The following TUBB4A variants were observed in gnomAD, a reference collection of about 807,000 sequenced individuals.
The protein encoded by TUBB4A is tubulin beta-4A chain.
Under a neutral mutation model 35.1 loss-of-function variants are expected in TUBB4A, and 13 were observed. The observed-to-expected ratio is 0.37, with a 90% confidence interval of 0.24 to 0.59. TUBB4A has a LOEUF of 0.59. Among genes scored for constraint, TUBB4A ranks in the 20% least tolerant of loss-of-function variants. The probability of loss-of-function intolerance (pLI) is 0.71; values close to 1 mark genes in which losing one functional copy is unlikely to be tolerated. For missense variants in TUBB4A, 299 were observed against 647.2 expected (o/e 0.46, Z 5.84); for synonymous variants, 279 against 272.4 (o/e 1.02, Z -0.24).
chr19:6,497,898 C>CAAAAA (rs1179837262), intron 3 of TUBB4A, among the ~76,000 whole-genome samples: 14 of 42,214 alleles, frequency 3.3e-4, no homozygotes, highest in Admixed American at 7.0e-4. Flanking sequence ...GACTCCGTCT[C>CAAAAA]AAAAAAAAAA....
chr19:6,502,253 G>C lies in TUBB4A; in HGVS notation c.-41C>G. ...GGTGGACGCGGCGGCGGTGGCACGA[G>C]CGCGGGGAGCTGCGGCGGCGGCGAG... On this transcript the variant is annotated 5_prime_UTR_variant, in exon 1 of 4. Coordinates refer to ENST00000264071, the MANE Select transcript of TUBB4A (RefSeq NM_006087.4). 6.7e-7 allele frequency: 1 copy of C among 1,490,564 alleles called. No homozygotes were observed. The highest frequency in any genetic ancestry group is 8.9e-7 in the Non-Finnish European group (1 of 1,128,466). The allele number at this position is 1,490,564 out of a possible 1,614,324, so 92.3% of individuals were successfully genotyped here.
rs1914049700 is a variant in TUBB4A at position 6,494,956 on chromosome 19, A to G, written c.*208T>C. The G allele has an allele frequency of 1.6e-6, 1 of 637,602 alleles. No individual in the cohort carries two copies. The highest frequency in any genetic ancestry group is 3.0e-5 in the Admixed American group (1 of 33,814). The allele number at this position is 637,602 out of a possible 1,614,324, so 39.5% of individuals were successfully genotyped here. A position where few individuals can be genotyped will look rare whatever the true frequency, so the allele number is the denominator to read the frequency against. On this transcript the variant is annotated 3_prime_UTR_variant, in exon 4 of 4. Coordinates refer to ENST00000264071, the MANE Select transcript of TUBB4A (RefSeq NM_006087.4). ...GGGAATGTCAAGGTTGGAAGAGCTC[A>G]AGGGGGTTAAAGATAAATTAGGGCT... is the stretch of plus-strand genomic sequence containing the variant.
At position 6,500,277 on chromosome 19, in the gene TUBB4A, C is replaced by CA. The variant is rs371294710; in HGVS notation, c.277+1009dup. On this transcript the variant is annotated intron_variant, in intron 3 of 3. Transcript: ENST00000264071. ...ACGAGTAGCTGTGACTACAGGTGCA[C>CA]ACCACCTCACTCAGCTAATTAAAAT... Among the ~76,000 whole-genome samples the CA allele has an allele frequency of 9.2e-3, 1,407 of 152,178 alleles. 26 individuals carry two copies. The highest frequency in any genetic ancestry group is 0.029 in the African/African-American group (1,222 of 41,516).
At position 6,495,851 on chromosome 19, in the gene TUBB4A, C is replaced by A; in HGVS notation, c.648G>T (p.Lys216Asn). ...ALYDICFRTL[K>N]LTTPTYGDLN... ...GGTCCCCGTAGGTGGGGGTGGTCAG[C>A]TTGAGGGTGCGGAAACAGATGTCGT... The change falls in exon 4 of 4, where the codon AAG becomes AAT. Residue 216 changes from lysine to asparagine, a missense_variant. This residue lies in a region of TUBB4A where 51 missense variants were observed against 100.3 expected (regional missense o/e 0.51). Transcript: ENST00000264071. The surrounding 1 kb of genome is among the most constrained non-coding windows in gnomAD (Gnocchi z 8.7). The A allele has an allele frequency of 6.2e-7, 1 of 1,614,236 alleles. No individual in the cohort carries two copies. Among genetic ancestry groups the A allele is most frequent in the Non-Finnish European group, 8.5e-7 (1 of 1,180,034 alleles).
chr19:6,495,331 G>T lies in TUBB4A; in HGVS notation c.1168C>A (p.Arg390=), dbSNP rs1411486414. The T allele has an allele frequency of 6.2e-7, 1 of 1,613,738 alleles. No individual in the cohort carries two copies. The highest frequency in any genetic ancestry group is 2.2e-5 in the East Asian group (1 of 44,890). ...TACCAGTGCAAGAAGGCCTTGCGCC[G>T]GAACATGGCCGTGAACTGCTCGGAG... ...RISEQFTAMF[R]RKAFLHWYTG... Residue 390 remains arginine (R), a synonymous_variant, in exon 4 of 4, where the codon CGG becomes AGG. Transcript: ENST00000264071. The surrounding 1 kb of genome is among the most constrained non-coding windows in gnomAD (Gnocchi z 8.7).
Position 6,501,200 on chromosome 19 carries a change from GT to G in TUBB4A, c.277+86del. ...GCCCTGTCCACCCCATCTCTGGTCT[GT>G]GGGCCCCGGTGGTGGCTGTTGACTC... On this transcript the variant is annotated intron_variant, in intron 3 of 3. Transcript: ENST00000264071. The surrounding 1 kb of genome is among the most constrained non-coding windows in gnomAD (Gnocchi z 4.2). 1 of 1,132,322 alleles carries G rather than the reference GT, an allele frequency of 8.8e-7. No individual in the cohort carries two copies. The highest frequency in any genetic ancestry group is 1.3e-6 in the Non-Finnish European group (1 of 784,272). The allele number at this position is 1,132,322 out of a possible 1,614,324, so 70.1% of individuals were successfully genotyped here.
chr19:6,501,703 G>T lies in TUBB4A; in HGVS notation c.58-80C>A. ...GAGGACTGCCCCCAGCCCCCAACTA[G>T]CTCCCTAGCTGCCACCTCTCCCCCA... is the stretch of plus-strand genomic sequence containing the variant. On this transcript the variant is annotated intron_variant, in intron 1 of 3. Transcript: ENST00000264071. The surrounding 1 kb of genome is among the most constrained non-coding windows in gnomAD (Gnocchi z 4.2). 1 of 1,169,548 alleles carries T rather than the reference G, an allele frequency of 8.6e-7. No individual in the cohort carries two copies. The highest frequency in any genetic ancestry group is 1.2e-6 in the Non-Finnish European group (1 of 800,052). 72.4% of individuals were successfully genotyped at this position (1,169,548 alleles called of 1,614,324 possible).
In TUBB4A at chr19:6,501,303, C is replaced by G. The variant is rs974768199; in HGVS notation, c.261G>C (p.Pro87=). 2 of 1,613,874 alleles carry G rather than the reference C, an allele frequency of 1.2e-6. No homozygotes were observed. The highest frequency in any genetic ancestry group is 1.3e-5 in the African/African-American group (1 of 75,050). The change falls in exon 3 of 4, where the codon CCG becomes CCC. Residue 87 remains proline, a synonymous_variant. Transcript: ENST00000264071. This position sits in a 1 kb window ranked among gnomAD's most constrained non-coding sequence, Gnocchi z 4.2. ...GGGACTCACCAAACACGAAGTTGTC[C>G]GGCCGAAAGATCTGACCGAAGGGGC... ...RSGPFGQIFR[P]DNFVFGQSGA...
At chr19:6,496,277 A>T in intron 3 of TUBB4A, 56 bp from the exon 4 acceptor site, 1 of 1,514,044 alleles carries the variant, frequency 6.6e-7, no homozygotes, top group Non-Finnish European at 8.9e-7. Flanking sequence ...CCAACCCTTG[A>T]CTCTGTCTCT....
At chr19:6,496,461 C>G (rs1489383096) in intron 3 of TUBB4A, 2 of 391,828 alleles carry the variant, frequency 5.1e-6, no homozygotes, top group Non-Finnish European at 9.3e-6. Context: ...AACCCCGTCT[C>G]TACTAAAATT....
In TUBB4A at chr19:6,501,717, A is replaced by C. The variant is rs1914541885; in HGVS notation, c.58-94T>G. 1.0e-6 allele frequency: 1 copy of C among 996,224 alleles called. No individual in the cohort carries two copies. Among genetic ancestry groups the C allele is most frequent in the South Asian group, 1.5e-5 (1 of 67,934 alleles). 61.7% of individuals were successfully genotyped at this position (996,224 alleles called of 1,614,324 possible). A position where few individuals can be genotyped will look rare whatever the true frequency, so the allele number is the denominator to read the frequency against. On this transcript the variant is annotated intron_variant, in intron 1 of 3. Transcript: ENST00000264071. The surrounding 1 kb of genome is among the most constrained non-coding windows in gnomAD (Gnocchi z 4.2). Reference sequence around the variant, plus strand: ...GCCCCCAACTAGCTCCCTAGCTGCCACCTCTCCCCCAGCAAGGTGAACGGG... The same window carrying C: ...GCCCCCAACTAGCTCCCTAGCTGCCCCCTCTCCCCCAGCAAGGTGAACGGG...
At position 6,495,085 on chromosome 19, in the gene TUBB4A, C is replaced by G. The variant is rs1364950797; in HGVS notation, c.*79G>C. ...TCAGCCTTGGAGGGAAAGCGGGGCT[C>G]TAGGGTTCAGAGATGGGGGGCCTAG... On this transcript the variant is annotated 3_prime_UTR_variant, in exon 4 of 4. Coordinates refer to ENST00000264071, the MANE Select transcript of TUBB4A (RefSeq NM_006087.4). The surrounding 1 kb of genome is among the most constrained non-coding windows in gnomAD (Gnocchi z 8.7). The G allele has an allele frequency of 5.2e-6, 8 of 1,544,808 alleles. No individual in the cohort carries two copies. The Admixed American group carries it at 7.2e-5, about 14-fold the overall frequency.
chr19:6,501,900 G>T lies in TUBB4A; in HGVS notation c.57+256C>A. ...CGGGGCTCTTTGTGCGTGAGGAGGGGACAGTGGCCCAGCTGTGGGCCCAGC... is the reference window on the plus strand; with the variant it reads ...CGGGGCTCTTTGTGCGTGAGGAGGGTACAGTGGCCCAGCTGTGGGCCCAGC... On this transcript the variant is annotated intron_variant, in intron 1 of 3. Coordinates refer to ENST00000264071, the MANE Select transcript of TUBB4A (RefSeq NM_006087.4). This position sits in a 1 kb window ranked among gnomAD's most constrained non-coding sequence, Gnocchi z 4.2. 1 of 586,558 alleles carries T rather than the reference G, an allele frequency of 1.7e-6. No individual in the cohort carries two copies. Among genetic ancestry groups the T allele is most frequent in the South Asian group, 2.1e-5 (1 of 47,960 alleles). The allele number at this position is 586,558 out of a possible 1,614,324, so 36.3% of individuals were successfully genotyped here. A position where few individuals can be genotyped will look rare whatever the true frequency, so the allele number is the denominator to read the frequency against.
chr19:6,495,757 C>T lies in TUBB4A; in HGVS notation c.742G>A (p.Ala248Thr). ...TCLRFPGQLNADLRKLAVNMV... is the reference protein window; with the variant it reads ...TCLRFPGQLNTDLRKLAVNMV... ...TTGACGGCCAGCTTGCGCAGGTCGG[C>T]GTTCAGCTGGCCCGGGAAGCGCAGG... Residue 248 changes from alanine to threonine, a missense_variant, in exon 4 of 4, where the codon GCC (alanine) becomes ACC (threonine). Transcript: ENST00000264071. This position sits in a 1 kb window ranked among gnomAD's most constrained non-coding sequence, Gnocchi z 8.7. 1 of 1,614,144 alleles carries T rather than the reference C, an allele frequency of 6.2e-7. No homozygotes were observed. The highest frequency in any genetic ancestry group is 8.5e-7 in the Non-Finnish European group (1 of 1,180,012).
At position 6,501,364 on chromosome 19, in the gene TUBB4A, T is replaced by A; in HGVS notation, c.200A>T (p.Asp67Val). ...GNYVPRAVLVDLEPGTMDSVR... is the reference protein window; with the variant it reads ...GNYVPRAVLVVLEPGTMDSVR... ...AGAGTCCATGGTGCCGGGTTCCAGG[T>A]CCACCAGCACCGCTCTGGGGACATA... Residue 67 changes from aspartate to valine, a missense_variant, in exon 3 of 4, where the codon GAC (aspartate) becomes GTC (valine). Physicochemically the swap from Asp to Val is radical, Grantham distance 152 (BLOSUM62 -3). Around this residue, in one of 5 missense-constraint regions of TUBB4A, gnomAD observed 123 missense variants for 226.0 expected, o/e 0.54. Coordinates refer to ENST00000264071, the MANE Select transcript of TUBB4A (RefSeq NM_006087.4). The surrounding 1 kb of genome is among the most constrained non-coding windows in gnomAD (Gnocchi z 4.2). 1 of 1,614,038 alleles carries A rather than the reference T, an allele frequency of 6.2e-7. No individual in the cohort carries two copies. The highest frequency in any genetic ancestry group is 8.5e-7 in the Non-Finnish European group (1 of 1,179,954).
chr19:6,496,319 A>G (rs1016217374), intron 3 of TUBB4A, 98 bp from the exon 4 acceptor site: 6 of 1,138,272 alleles, frequency 5.3e-6, no homozygotes, highest in Admixed American at 2.6e-5. Flanking sequence ...GTAGTTGAAT[A>G]CTAGTAACTA....
At chr19:6,498,803 C>T (rs1914396078) in intron 3 of TUBB4A, among the ~76,000 whole-genome samples, 1 of 152,218 alleles carries the variant, frequency 6.6e-6, no homozygotes, top group Non-Finnish European at 1.5e-5. Flanking sequence ...ACTGTGTGAC[C>T]TTGGACAAGT....
chr19:6,501,239 A>G lies in TUBB4A; in HGVS notation c.277+48T>C, dbSNP rs1451956198. Reference sequence around the variant, plus strand: ...TGGCTGTTGACTCTGTGGTGTTAGCAGGAATAAGGAGGTTTTCCAGCCTCT... The same window carrying G: ...TGGCTGTTGACTCTGTGGTGTTAGCGGGAATAAGGAGGTTTTCCAGCCTCT... On this transcript the variant is annotated intron_variant, in intron 3 of 3. Coordinates refer to ENST00000264071, the MANE Select transcript of TUBB4A (RefSeq NM_006087.4). This position sits in a 1 kb window ranked among gnomAD's most constrained non-coding sequence, Gnocchi z 4.2. 6.6e-7 allele frequency: 1 copy of G among 1,511,036 alleles called. No individual in the cohort carries two copies. The highest frequency in any genetic ancestry group is 9.1e-7 in the Non-Finnish European group (1 of 1,097,320). The allele number at this position is 1,511,036 out of a possible 1,614,324, so 93.6% of individuals were successfully genotyped here.
Position 6,502,299 on chromosome 19 carries a change from C to G in TUBB4A, c.-87G>C, listed in dbSNP as rs1914578717. On this transcript the variant is annotated 5_prime_UTR_variant, in exon 1 of 4. Transcript: ENST00000264071. ...GCGAGGGTGGAAGATGCGGCGGAGA[C>G]GGCGGAGCACGGTCCCTGCGCCCCC... The G allele has an allele frequency of 7.2e-7, 1 of 1,386,702 alleles. No individual in the cohort carries two copies. The highest frequency in any genetic ancestry group is 1.5e-5 in the African/African-American group (1 of 65,898). The allele number at this position is 1,386,702 out of a possible 1,614,324, so 85.9% of individuals were successfully genotyped here.
Sources: gnomAD v4.1 joint callset for allele counts (sites outside exome capture counted in the v4.1 genomes callset) on GRCh38, gnomAD v4.1.1 for gene constraint, gnomAD v4.1.1 regional missense constraint, Gnocchi (gnomAD v3.1) non-coding constraint, MANE v1.5 for transcripts, NCBI Gene and HGNC (gene_info 2026-07-23, HGNC 2026-07-21) for gene names.